The following ADAM22 variants were observed in gnomAD, a reference collection of about 807,000 sequenced individuals.
ADAM22 encodes the protein ADAM metallopeptidase domain 22.
A neutral mutation model predicts 144.6 loss-of-function variants in ADAM22; 65 were observed. The ratio of observed to expected loss-of-function variants is 0.45; its 90% CI spans 0.37 to 0.55. ADAM22 has a LOEUF of 0.55. Among genes scored for constraint, ADAM22 ranks in the 20% least tolerant of loss-of-function variants. ADAM22 has a pLI of 0.00. For synonymous variants in ADAM22, 391 were observed against 412.6 expected, an observed-to-expected ratio of 0.95 and a Z score of 0.63; for missense variants, 974 against 1,184.9, an observed-to-expected ratio of 0.82 and a Z score of 2.61.
chr7:88,055,106 G>GAT (rs57768290), intron 3 of ADAM22, among the ~76,000 whole-genome samples: 4,697 of 149,546 alleles, frequency 0.031, 223 homozygotes, highest in African/African-American at 0.11. Context: ...ACAAATATCA[G>GAT]ATATATATAT....
At chr7:88,060,716 A>G (rs150697625) in intron 3 of ADAM22, among the ~76,000 whole-genome samples, 4,836 of 150,656 alleles carry the variant, frequency 0.032, 288 homozygotes, top group African/African-American at 0.11. Flanking sequence ...GCAGTGAGCC[A>G]AGATTGTGCC....
intron 3 of ADAM22, among the ~76,000 whole-genome samples, chr7:88,043,049 T>C (rs1212732456): frequency 6.6e-6 from 1 of 151,900 alleles, no homozygotes; most frequent in Non-Finnish European, 1.5e-5. Context: ...ATTTTCTCTG[T>C]TCTTTGAGGG....
At chr7:87,951,254 A>G (rs1845060581) in intron 2 of ADAM22, among the ~76,000 whole-genome samples, 1 of 141,998 alleles carries the variant, frequency 7.0e-6, no homozygotes, top group Admixed American at 7.0e-5. Flanking sequence ...GTTTTCTTCT[A>G]GGGTTTTTAT....
intron 26 of ADAM22, among the ~76,000 whole-genome samples, chr7:88,178,305 T>A (rs950307268): frequency 5.3e-5 from 8 of 152,172 alleles, no homozygotes; most frequent in African/African-American, 1.9e-4. Context: ...TGTTAAATTA[T>A]CTTCCTTCAC....
intron 26 of ADAM22, among the ~76,000 whole-genome samples, chr7:88,174,154 C>G (rs1283127858): frequency 6.6e-6 from 1 of 152,010 alleles, no homozygotes; most frequent in African/African-American, 2.4e-5. Flanking sequence ...AATTTGATAA[C>G]CAGATAAATT....
intron 29 of ADAM22, among the ~76,000 whole-genome samples, chr7:88,184,851 C>G (rs1171153936): frequency 6.6e-6 from 1 of 152,180 alleles, no homozygotes; most frequent in Non-Finnish European, 1.5e-5. Flanking sequence ...AAAAGTCCAT[C>G]AAGTGCAAGT....
chr7:88,011,741 A>AC (rs1403513206), intron 3 of ADAM22, among the ~76,000 whole-genome samples: 1 of 81,952 alleles, frequency 1.2e-5, no homozygotes, highest in Non-Finnish European at 2.5e-5. Context: ...TCCGCCCCCC[A>AC]CCCCCCAACC....
rs575646398 is a variant in ADAM22 at position 88,197,891 on chromosome 7, G to C, written c.*1400G>C. On this transcript the variant is annotated 3_prime_UTR_variant, in exon 32 of 32. Coordinates refer to ENST00000413139, the MANE Select transcript of ADAM22 (RefSeq NM_001324418.2). ...TTACACTAACAGCTGGTGGGGGAAA[G>C]AATCTGATGCTTTGAAACATATATT... 4 of 152,258 alleles carry C rather than the reference G, an allele frequency of 2.6e-5. No individual in the cohort carries two copies. The highest frequency in any genetic ancestry group is 9.6e-5 in the African/African-American group (4 of 41,540). The allele number at this position is 152,258 out of a possible 1,614,324, so 9.4% of individuals were successfully genotyped here. A position where few individuals can be genotyped will look rare whatever the true frequency, so the allele number is the denominator to read the frequency against.
chr7:88,013,769 C>T (rs1563024436), intron 3 of ADAM22, among the ~76,000 whole-genome samples: 1 of 152,148 alleles, frequency 6.6e-6, no homozygotes, highest in Non-Finnish European at 1.5e-5. Flanking sequence ...GAGTGATTTT[C>T]ACTGATGTTA....
intron 3 of ADAM22, among the ~76,000 whole-genome samples, chr7:88,015,836 T>C (rs1796429961): frequency 6.6e-6 from 1 of 152,212 alleles, no homozygotes; most frequent in South Asian, 2.1e-4. Flanking sequence ...TTATTGTGTT[T>C]TCTCTTTGAG....
intron 3 of ADAM22, among the ~76,000 whole-genome samples, chr7:88,032,542 G>A (rs1220951307): frequency 6.6e-6 from 1 of 152,194 alleles, no homozygotes; most frequent in Non-Finnish European, 1.5e-5. Context: ...TGTGACTTTG[G>A]ACTTGGACTT....
At chr7:88,145,270 T>C in intron 16 of ADAM22, 74 bp downstream of exon 16, 1 of 1,528,746 alleles carries the variant, frequency 6.5e-7, no homozygotes, top group Non-Finnish European at 9.0e-7. Flanking sequence ...CTGAGATGTA[T>C]GGAGCAAATG....
chr7:88,113,676 A>AT (rs1554478434), intron 5 of ADAM22, among the ~76,000 whole-genome samples: 1 of 121,624 alleles, frequency 8.2e-6, no homozygotes, highest in African/African-American at 3.3e-5. Flanking sequence ...ATATATATAT[A>AT]ATATATATAT....
chr7:88,004,504 A>G (rs1363745137), intron 3 of ADAM22, among the ~76,000 whole-genome samples: 1 of 152,246 alleles, frequency 6.6e-6, no homozygotes, highest in African/African-American at 2.4e-5. Flanking sequence ...TGATGAAAGC[A>G]CTTAGCATTT....
intron 7 of ADAM22, among the ~76,000 whole-genome samples, chr7:88,119,790 AT>A (rs1363802372): frequency 6.6e-6 from 1 of 152,208 alleles, no homozygotes; most frequent in Non-Finnish European, 1.5e-5. Flanking sequence ...CGCCCGGCCT[AT>A]AACACAATTT....
intron 3 of ADAM22, among the ~76,000 whole-genome samples, chr7:88,059,458 A>G (rs1231438891): frequency 6.6e-6 from 1 of 152,242 alleles, no homozygotes; most frequent in Non-Finnish European, 1.5e-5. Flanking sequence ...AGAGATTGAG[A>G]GTTCAATTCC....
chr7:88,193,256 T>A lies in ADAM22; in HGVS notation c.2874+17T>A. 1 of 1,612,522 alleles carries A rather than the reference T, an allele frequency of 6.2e-7. No individual in the cohort carries two copies. Among genetic ancestry groups the A allele is most frequent in the South Asian group, 1.1e-5 (1 of 90,756 alleles). On this transcript the variant is annotated intron_variant, in intron 31 of 31. Transcript: ENST00000413139. Reference sequence around the variant, plus strand: ...AGTGCCAGGGTATGTGGAAACCTCTTCCATGTGCGTACATGCTCAGTCATT... The same window carrying A: ...AGTGCCAGGGTATGTGGAAACCTCTACCATGTGCGTACATGCTCAGTCATT...
At chr7:87,938,141 C>T (rs994298548) in intron 2 of ADAM22, among the ~76,000 whole-genome samples, 2 of 150,942 alleles carry the variant, frequency 1.3e-5, no homozygotes, top group African/African-American at 4.9e-5. Context: ...TTTTTTATGG[C>T]CCTTGTTATT....
intron 3 of ADAM22, among the ~76,000 whole-genome samples, chr7:88,047,610 T>C (rs1805007480): frequency 6.6e-6 from 1 of 152,234 alleles, no homozygotes; most frequent in Non-Finnish European, 1.5e-5. Flanking sequence ...TTGTCTTTTA[T>C]TAAAAAATGA....
Sources: gnomAD v4.1 joint callset for allele counts (sites outside exome capture counted in the v4.1 genomes callset) on GRCh38, gnomAD v4.1.1 for gene constraint, MANE v1.5 for transcripts, NCBI Gene and HGNC (gene_info 2026-07-23, HGNC 2026-07-21) for gene names.